Variants in HIP1 observed in about 807,000 individuals in gnomAD.
HIP1 encodes the protein huntingtin interacting protein 1.
A neutral mutation model predicts 147.6 loss-of-function variants in HIP1; 65 were observed. The observed-to-expected ratio is 0.44, with a 90% CI of 0.36 to 0.54. HIP1 has a LOEUF of 0.54. HIP1 is among the 20% of genes least tolerant of loss of function. HIP1 has a pLI of 0.00. For synonymous variants in HIP1, 479 were observed against 504.0 expected, an observed-to-expected ratio of 0.95 and a Z score of 0.67; for missense variants, 1,061 against 1,299.6, an observed-to-expected ratio of 0.82 and a Z score of 2.82.
chr7:75,639,794 C>A (rs1457923415), intron 1 of HIP1, among the ~76,000 whole-genome samples: 1 of 152,108 alleles, frequency 6.6e-6, no homozygotes, highest in African/African-American at 2.4e-5. Context: ...GGGGAATTCA[C>A]GGCCAGTTGT....
chr7:75,556,578 G>C (rs587747091), intron 17 of HIP1, 132 bp downstream of exon 17: 7 of 639,732 alleles, frequency 1.1e-5, no homozygotes, highest in African/African-American at 3.6e-5. Flanking sequence ...CCAGTTACTC[G>C]GGGGGCTAAG....
In HIP1 at chr7:75,541,927, C is replaced by T; in HGVS notation, c.2944G>A (p.Asp982Asn). ...TLTQIKRQEM[D>N]SQVRVLELEN... Reference sequence around the variant, plus strand: ...ACAGATGGAGCTCTCACCTGAGAATCCATCTCTTGGCGTTTGATCTGTGTC... The same window carrying T: ...ACAGATGGAGCTCTCACCTGAGAATTCATCTCTTGGCGTTTGATCTGTGTC... Residue 982 changes from aspartate to asparagine, a missense_variant, in exon 29 of 31, where the codon GAT becomes AAT. Physicochemically the swap from Asp to Asn is conservative, Grantham distance 23. Around this residue, in one of 3 missense-constraint regions of HIP1, gnomAD observed 810 missense variants for 946.8 expected, o/e 0.86. Transcript: ENST00000336926. 6.2e-7 allele frequency: 1 copy of T among 1,612,498 alleles called. No individual in the cohort carries two copies. Among genetic ancestry groups the T allele is most frequent in the Non-Finnish European group, 8.5e-7 (1 of 1,178,512 alleles).
intron 21 of HIP1, 87 bp downstream of exon 21, chr7:75,554,026 T>A: frequency 1.1e-6 from 1 of 943,720 alleles, no homozygotes; most frequent in Non-Finnish European, 1.7e-6. Context: ...GTTACAGGCA[T>A]GAGCCACTGC....
At chr7:75,735,156 C>T (rs1288007417) in intron 1 of HIP1, among the ~76,000 whole-genome samples, 4 of 152,128 alleles carry the variant, frequency 2.6e-5, no homozygotes, top group African/African-American at 7.2e-5. Context: ...ATAAGGAAAC[C>T]GAGGCTTAGA....
intron 1 of HIP1, among the ~76,000 whole-genome samples, chr7:75,717,956 C>T (rs1412694639): frequency 2.0e-5 from 3 of 148,194 alleles, no homozygotes; most frequent in African/African-American, 5.0e-5. Flanking sequence ...GGTGACAGAG[C>T]GAAACTCTGT....
At position 75,658,069 on chromosome 7, in the gene HIP1, G is replaced by T. The variant is rs2091752; in HGVS notation, c.121-58822C>A. Among the ~76,000 whole-genome samples, 1,329 of 152,178 alleles carry T rather than the reference G, an allele frequency of 8.7e-3. 21 individuals carry two copies. The highest frequency in any genetic ancestry group is 0.03 in the African/African-American group (1,261 of 41,534). On this transcript the variant is annotated intron_variant, in intron 1 of 30. Coordinates refer to ENST00000336926, the MANE Select transcript of HIP1 (RefSeq NM_005338.7). Reference sequence around the variant, plus strand: ...CTCTACACCCTGGGACACTCCAAAAGGATTTACTTGCTGGCTTACCAATCT... The same window carrying T: ...CTCTACACCCTGGGACACTCCAAAATGATTTACTTGCTGGCTTACCAATCT...
intron 1 of HIP1, among the ~76,000 whole-genome samples, chr7:75,684,405 A>C (rs1410740263): frequency 2.0e-5 from 3 of 147,742 alleles, no homozygotes; most frequent in African/African-American, 5.0e-5. Flanking sequence ...CCGAGATTGC[A>C]TCACTGCACT....
intron 1 of HIP1, among the ~76,000 whole-genome samples, chr7:75,681,791 G>C (rs1399220314): frequency 6.6e-6 from 1 of 151,524 alleles, no homozygotes; most frequent in Non-Finnish European, 1.5e-5. Context: ...ATGAGCCACA[G>C]TGCCTGGCCA....
chr7:75,637,536 ATTTTTT>A (rs869251770), intron 1 of HIP1, among the ~76,000 whole-genome samples: 23 of 70,894 alleles, frequency 3.2e-4, no homozygotes, highest in African/African-American at 3.1e-4. Context: ...TGCAGAGAGG[ATTTTTT>A]TTTTTTTTTT....
At chr7:75,659,387 G>A (rs533759812) in intron 1 of HIP1, among the ~76,000 whole-genome samples, 161 of 152,308 alleles carry the variant, frequency 1.1e-3, no homozygotes, top group African/African-American at 3.8e-3. Flanking sequence ...GGCCGGCCAT[G>A]GTGGCTTACA....
chr7:75,588,940 T>C (rs1048168338), intron 4 of HIP1, among the ~76,000 whole-genome samples: 3 of 152,008 alleles, frequency 2.0e-5, no homozygotes, highest in Admixed American at 2.0e-4. Flanking sequence ...CACCTGAGGT[T>C]AGGAGTTCGA....
chr7:75,541,173 G>A (rs1554489787), intron 29 of HIP1, among the ~76,000 whole-genome samples: 1 of 152,090 alleles, frequency 6.6e-6, no homozygotes, highest in African/African-American at 2.4e-5. Flanking sequence ...CAGGTGGGCA[G>A]ATCACAAGGT....
intron 1 of HIP1, among the ~76,000 whole-genome samples, chr7:75,637,019 T>C (rs1798448215): frequency 1.3e-5 from 2 of 152,174 alleles, no homozygotes; most frequent in Admixed American, 1.3e-4. Context: ...AACTGAGGTC[T>C]TGGTCTTCCT....
intron 8 of HIP1, among the ~76,000 whole-genome samples, chr7:75,573,547 G>A (rs868940670): frequency 6.6e-6 from 1 of 152,174 alleles, no homozygotes; most frequent in Non-Finnish European, 1.5e-5. Context: ...ACACTGGGAC[G>A]CAAGAGTGGC....
At chr7:75,673,577 A>C (rs923340730) in intron 1 of HIP1, among the ~76,000 whole-genome samples, 1 of 152,172 alleles carries the variant, frequency 6.6e-6, no homozygotes, top group Non-Finnish European at 1.5e-5. Flanking sequence ...GTTCCAGTAC[A>C]CAAGTATTGC....
At chr7:75,681,682 T>G (rs1160752763) in intron 1 of HIP1, among the ~76,000 whole-genome samples, 2 of 151,326 alleles carry the variant, frequency 1.3e-5, no homozygotes, top group Non-Finnish European at 2.9e-5. Context: ...AATTTTTTAT[T>G]TTTTTTTAGA....
intron 5 of HIP1, among the ~76,000 whole-genome samples, chr7:75,584,516 T>C (rs1554499189): frequency 6.6e-6 from 1 of 152,140 alleles, no homozygotes; most frequent in Admixed American, 6.6e-5. Context: ...CTCGAGAGCC[T>C]CTGGAAGCAA....
At chr7:75,588,166 C>G (rs1554499953) in intron 4 of HIP1, among the ~76,000 whole-genome samples, 6 of 152,324 alleles carry the variant, frequency 3.9e-5, no homozygotes, top group Non-Finnish European at 2.9e-5. Flanking sequence ...AAACCTTAAG[C>G]TGAGAATTTA....
In HIP1 at chr7:75,662,107, C is replaced by T. The variant is rs191883807; in HGVS notation, c.121-62860G>A. On this transcript the variant is annotated intron_variant, in intron 1 of 30. Transcript: ENST00000336926. Reference sequence around the variant, plus strand: ...GGGAGGGAGGAGGGGAAGGAGGGGGCGTAGCTGGCGATGTCATGGGGGATG... The same window carrying T: ...GGGAGGGAGGAGGGGAAGGAGGGGGTGTAGCTGGCGATGTCATGGGGGATG... Among the ~76,000 whole-genome samples the T allele has an allele frequency of 7.3e-3, 974 of 134,330 alleles. 12 individuals are homozygous for T. The highest frequency in any genetic ancestry group is 0.027 in the African/African-American group (933 of 34,970). The allele number at this position is 134,330 out of a possible 152,430, so 88.1% of individuals were successfully genotyped here.
Sources: allele counts gnomAD v4.1 joint callset (sites outside exome capture counted in the v4.1 genomes callset), GRCh38; gene constraint gnomAD v4.1.1; regional missense constraint gnomAD v4.1.1; transcripts MANE v1.5; gene names NCBI Gene and HGNC (gene_info 2026-07-23, HGNC 2026-07-21).